CUBN: variants seen among roughly 807,000 people sequenced by gnomAD.
CUBN encodes cubilin.
CUBN carries 282 observed loss-of-function variants against 405.3 expected under a neutral mutation model. That is an observed-to-expected ratio of 0.70 (90% confidence interval 0.63 to 0.77). The LOEUF (loss-of-function observed/expected upper bound fraction) is 0.77, where lower values mean the gene tolerates loss of function less well. Among genes scored for constraint, CUBN ranks in the 30% least tolerant of loss-of-function variants. The pLI is 0.00. For missense variants in CUBN, 4,514 were observed against 4,475.2 expected (o/e 1.01, Z -0.25); for synonymous variants, 1,684 against 1,617.0 (o/e 1.04, Z -0.99).
chr10:17,062,505 G>T (rs1241826234), intron 22 of CUBN, among the ~76,000 whole-genome samples: 1 of 152,186 alleles, frequency 6.6e-6, no homozygotes, highest in African/African-American at 2.4e-5. Context: ...TAGTCTTGTA[G>T]TTTCTAAGAA....
chr10:16,888,509 T>A lies in CUBN; in HGVS notation c.8813A>T (p.Lys2938Ile). 6.2e-7 allele frequency: 1 copy of A among 1,613,690 alleles called. No individual in the cohort carries two copies. The highest frequency in any genetic ancestry group is 8.5e-7 in the Non-Finnish European group (1 of 1,179,658). ...GCAATTCATGTTGTTGTCATATTGTTTTGGGTAATTTGGAGAAATGATGTA... is the reference window on the plus strand; with the variant it reads ...GCAATTCATGTTGTTGTCATATTGTATTGGGTAATTTGGAGAAATGATGTA... ...SGYIISPNYPKQYDNNMNCTY... is the reference protein window; with the variant it reads ...SGYIISPNYPIQYDNNMNCTY... The change falls in exon 56 of 67, where the codon AAA (lysine) becomes ATA (isoleucine). Residue 2938 changes from lysine (K) to isoleucine (I), a missense_variant. This residue lies in a region of CUBN where 1,186 missense variants were observed against 1,186.9 expected (regional missense o/e 1.00). Transcript: ENST00000377833.
chr10:16,835,043 A>T lies in CUBN; in HGVS notation c.10333T>A (p.Ser3445Thr). ...AAGAAATCGTTTCTGCATTCAACTG[A>T]GTTCTCGATGCCAAGTGAATGAAAA... ...LFFHSLGIEN[S>T]VECRNDFLEV... Residue 3445 changes from serine to threonine, a missense_variant, in exon 64 of 67, where the codon TCA (serine) becomes ACA (threonine). Around this residue, in one of 5 missense-constraint regions of CUBN, gnomAD observed 1,186 missense variants for 1,186.9 expected, o/e 1.00. Transcript: ENST00000377833. 6.2e-7 allele frequency: 1 copy of T among 1,614,162 alleles called. No individual in the cohort carries two copies. The highest frequency in any genetic ancestry group is 8.5e-7 in the Non-Finnish European group (1 of 1,180,018).
At position 16,824,772 on chromosome 10, in the gene CUBN, G is replaced by T. The variant is rs769041830; in HGVS notation, c.*203C>A. 2 of 535,644 alleles carry T rather than the reference G, an allele frequency of 3.7e-6. No homozygotes were observed. The highest frequency in any genetic ancestry group is 7.0e-6 in the Non-Finnish European group (2 of 284,418). The allele number at this position is 535,644 out of a possible 1,614,324, so 33.2% of individuals were successfully genotyped here. The stretch of plus-strand genomic sequence containing the variant: ...TGACCTCAGGTGATCAACCTGCCTC[G>T]GCCTCCCAAAGTGCTGAGAATACAG... On this transcript the variant is annotated 3_prime_UTR_variant, in exon 67 of 67. Coordinates refer to ENST00000377833, the MANE Select transcript of CUBN (RefSeq NM_001081.4).
At chr10:16,945,487 G>A (rs1466097338) in intron 36 of CUBN, among the ~76,000 whole-genome samples, 1 of 152,110 alleles carries the variant, frequency 6.6e-6, no homozygotes. Context: ...GACAAACCAG[G>A]CCAGGCACGG....
chr10:16,957,709 C>T (rs1016243278), intron 31 of CUBN, among the ~76,000 whole-genome samples: 3 of 152,158 alleles, frequency 2.0e-5, no homozygotes, highest in African/African-American at 4.8e-5. Flanking sequence ...CCATATGATC[C>T]AACAGTCTCA....
chr10:17,015,092 G>A (rs1389319603), intron 28 of CUBN, among the ~76,000 whole-genome samples: 1 of 152,228 alleles, frequency 6.6e-6, no homozygotes, highest in Non-Finnish European at 1.5e-5. Context: ...TAGAATTGGG[G>A]TGTTGCAGGG....
chr10:17,088,204 C>T lies in CUBN; in HGVS notation c.1907G>A (p.Ser636Asn), dbSNP rs1266889774. ...GTTGCAGTCATCATGGTGCTCGAGG[C>T]TCAAGGTCCCAAAAGTAAATGTTAC... Reference protein sequence around the residue: ...LLVTFTFGTLSLEHHDDCNKD... With the variant: ...LLVTFTFGTLNLEHHDDCNKD... The change falls in exon 15 of 67, where the codon AGC (serine) becomes AAC (asparagine). Residue 636 changes from serine (S) to asparagine (N), a missense_variant. Physicochemically the swap from Ser to Asn is conservative, Grantham distance 46 (BLOSUM62 1). Coordinates refer to ENST00000377833, the MANE Select transcript of CUBN (RefSeq NM_001081.4). 3 of 1,613,662 alleles carry T rather than the reference C, an allele frequency of 1.9e-6. No individual in the cohort carries two copies. The highest frequency in any genetic ancestry group is 1.7e-5 in the Admixed American group (1 of 59,992).
intron 58 of CUBN, 103 bp downstream of exon 58, chr10:16,874,271 C>T: frequency 8.1e-7 from 1 of 1,228,676 alleles, no homozygotes; most frequent in South Asian, 1.2e-5. Context: ...GATTTCCCTC[C>T]AGACTGCCGA....
intron 59 of CUBN, among the ~76,000 whole-genome samples, chr10:16,864,407 A>C (rs963277290): frequency 1.3e-4 from 20 of 152,242 alleles, no homozygotes; most frequent in Non-Finnish European, 1.9e-4. Context: ...GGGCTTGAAA[A>C]TTTGGGACTT....
chr10:16,869,557 T>TGGGG lies in CUBN; in HGVS notation c.9454+75_9454+78dup, dbSNP rs59702069. 4.0e-5 allele frequency: 28 copies of TGGGG among 708,480 alleles called. No individual in the cohort carries two copies. In the African/African-American group the frequency reaches 5.4e-4, roughly 14 times the overall value. The allele number at this position is 708,480 out of a possible 1,614,324, so 43.9% of individuals were successfully genotyped here. A position where few individuals can be genotyped will look rare whatever the true frequency, so the allele number is the denominator to read the frequency against. ...AAAAGCAATCATAATCAGGTGGGGG[T>TGGGG]GGGGGGGGGGCGGGGAAATTAAATA... On this transcript the variant is annotated intron_variant, in intron 59 of 66. Transcript: ENST00000377833.
chr10:17,087,683 C>T (rs375572761), intron 15 of CUBN, among the ~76,000 whole-genome samples: 2 of 151,778 alleles, frequency 1.3e-5, no homozygotes, highest in Admixed American at 6.6e-5. Context: ...ACCATGTTGG[C>T]CAGGCTGTCT....
chr10:17,097,741 A>G (rs1306960644), intron 14 of CUBN, among the ~76,000 whole-genome samples: 5 of 152,240 alleles, frequency 3.3e-5, no homozygotes, highest in Non-Finnish European at 7.3e-5. Context: ...TTAACTCACT[A>G]TATTTACAGA....
chr10:16,840,669 T>C (rs1314377318), intron 61 of CUBN, 134 bp from the exon 62 acceptor site: 4 of 903,932 alleles, frequency 4.4e-6, no homozygotes, highest in Non-Finnish European at 3.6e-6. Flanking sequence ...GAATTCAGGG[T>C]TTATATCCTT....
At chr10:17,049,467 A>T (rs1835212893) in intron 22 of CUBN, among the ~76,000 whole-genome samples, 1 of 152,242 alleles carries the variant, frequency 6.6e-6, no homozygotes, top group African/African-American at 2.4e-5. Flanking sequence ...AAGTGTGATT[A>T]GGTCTCAGGT....
intron 59 of CUBN, among the ~76,000 whole-genome samples, chr10:16,852,161 C>A (rs1309841084): frequency 6.0e-5 from 7 of 116,010 alleles, no homozygotes; most frequent in Non-Finnish European, 8.9e-5. Flanking sequence ...CTATCTTTCC[C>A]TCCCTCCCTC....
At chr10:16,927,458 TA>T (rs1842225171) in intron 41 of CUBN, among the ~76,000 whole-genome samples, 1 of 152,246 alleles carries the variant, frequency 6.6e-6, no homozygotes, top group South Asian at 2.1e-4. Context: ...CCCTACTTTA[TA>T]AAAGGTATAT....
intron 15 of CUBN, among the ~76,000 whole-genome samples, chr10:17,087,466 C>CTTTTTTTT (rs879308596): frequency 0.051 from 4,003 of 78,982 alleles, 689 homozygotes; most frequent in Non-Finnish European, 0.069. Context: ...TATTATTTTT[C>CTTTTTTTT]TTTTTCTTTT....
intron 8 of CUBN, among the ~76,000 whole-genome samples, chr10:17,112,707 G>A (rs1451451399): frequency 1.3e-5 from 2 of 151,244 alleles, no homozygotes; most frequent in African/African-American, 4.9e-5. Context: ...ATATATACAC[G>A]CAGAAAACCA....
chr10:16,919,591 T>G (rs1452877020), intron 44 of CUBN, among the ~76,000 whole-genome samples: 2 of 152,194 alleles, frequency 1.3e-5, no homozygotes, highest in Non-Finnish European at 1.5e-5. Flanking sequence ...CAAATTCCCA[T>G]TTGTTAAACA....
Sources: allele counts gnomAD v4.1 joint callset (sites outside exome capture counted in the v4.1 genomes callset), GRCh38; gene constraint gnomAD v4.1.1; regional missense constraint gnomAD v4.1.1; transcripts MANE v1.5; gene names NCBI Gene and HGNC (gene_info 2026-07-23, HGNC 2026-07-21).